The following ADAMTS17 variants were observed in gnomAD, a reference collection of about 807,000 sequenced individuals.
ADAMTS17 encodes A disintegrin and metalloproteinase with thrombospondin motifs 17.
Under a neutral mutation model 141.5 loss-of-function variants are expected in ADAMTS17, and 113 were observed. The ratio of observed to expected loss-of-function variants is 0.80; its 90% CI spans 0.69 to 0.93. The LOEUF is 0.93. Ranked by LOEUF, ADAMTS17 falls within the 40% of genes least tolerant of loss-of-function variation. ADAMTS17 has a pLI of 0.00. For missense variants in ADAMTS17, 1,659 were observed against 1,517.9 expected (o/e 1.09, Z -1.54); for synonymous variants, 768 against 630.6 (o/e 1.22, Z -3.27).
At chr15:100,306,214 TTTGACA>T (rs1360211830) in intron 3 of ADAMTS17, 1 of 311,800 alleles carries the variant, frequency 3.2e-6, no homozygotes, top group African/African-American at 2.2e-5. Context: ...CCCCAAATTC[TTTGACA>T]TTGAGCGGTG....
At position 99,974,078 on chromosome 15, in the gene ADAMTS17, T is replaced by G. The variant is rs1373261167; in HGVS notation, c.*324A>C. ...TGGAAATTCAAATGTCAAAAGCGAG[T>G]CAAGACAAGAACACTAAATGATGTC... On this transcript the variant is annotated 3_prime_UTR_variant, in exon 22 of 22. Transcript: ENST00000268070. The G allele has an allele frequency of 4.8e-6, 2 of 414,400 alleles. No individual in the cohort carries two copies. The highest frequency in any genetic ancestry group is 7.3e-5 in the Admixed American group (2 of 27,312). 25.7% of individuals were successfully genotyped at this position (414,400 alleles called of 1,614,324 possible).
At chr15:100,054,245 C>T (rs538400373) in intron 15 of ADAMTS17, among the ~76,000 whole-genome samples, 191 bp from the exon 16 acceptor site, 23 of 152,258 alleles carry the variant, frequency 1.5e-4, no homozygotes, top group African/African-American at 5.3e-4. Flanking sequence ...GCAGGGAGCA[C>T]GGAGATGCAG....
intron 7 of ADAMTS17, among the ~76,000 whole-genome samples, chr15:100,234,295 C>A (rs749767874): frequency 6.6e-6 from 1 of 152,174 alleles, no homozygotes; most frequent in Non-Finnish European, 1.5e-5. Context: ...CCGTTTTCCA[C>A]GAGGCAGACA....
chr15:99,975,981 G>C (rs1462148883), intron 21 of ADAMTS17, 64 bp downstream of exon 21: 10 of 1,492,688 alleles, frequency 6.7e-6, no homozygotes, highest in Non-Finnish European at 9.0e-6. Flanking sequence ...TCACCGTCAG[G>C]GAGGACTTAC....
At chr15:100,325,588 G>C (rs866866418) in intron 3 of ADAMTS17, among the ~76,000 whole-genome samples, 1 of 152,120 alleles carries the variant, frequency 6.6e-6, no homozygotes, top group Non-Finnish European at 1.5e-5. Flanking sequence ...TGCCATCCCC[G>C]TGGTGATGAG....
chr15:100,084,512 A>G (rs2034968354), intron 15 of ADAMTS17, among the ~76,000 whole-genome samples: 1 of 152,224 alleles, frequency 6.6e-6, no homozygotes, highest in Admixed American at 6.5e-5. Flanking sequence ...CCCAGCATGC[A>G]GCTTGAGATC....
At chr15:100,089,072 A>T (rs1305505063) in intron 15 of ADAMTS17, among the ~76,000 whole-genome samples, 1 of 151,846 alleles carries the variant, frequency 6.6e-6, no homozygotes, top group African/African-American at 2.4e-5. Context: ...ATGAGAGAAA[A>T]TTTTTGCAAT....
intron 7 of ADAMTS17, among the ~76,000 whole-genome samples, chr15:100,246,933 G>C (rs2043006731): frequency 1.3e-5 from 2 of 150,640 alleles, no homozygotes; most frequent in Admixed American, 1.3e-4. Context: ...GCCCAGGCTG[G>C]AGTGCAATGG....
chr15:100,179,280 T>C (rs1056354516), intron 8 of ADAMTS17, among the ~76,000 whole-genome samples: 8 of 152,302 alleles, frequency 5.3e-5, no homozygotes, highest in South Asian at 4.1e-4. Context: ...ATGAGTTCAA[T>C]TGTTTTAATT....
At chr15:99,984,269 C>T (rs1036017687) in intron 20 of ADAMTS17, among the ~76,000 whole-genome samples, 4 of 152,148 alleles carry the variant, frequency 2.6e-5, no homozygotes, top group South Asian at 2.1e-4. Flanking sequence ...GAGGAGACTG[C>T]GGGCAGCTCT....
At chr15:100,229,549 A>G (rs1436498434) in intron 7 of ADAMTS17, among the ~76,000 whole-genome samples, 1 of 152,134 alleles carries the variant, frequency 6.6e-6, no homozygotes, top group Non-Finnish European at 1.5e-5. Context: ...ACTGAGAACC[A>G]CAGCAAGGCT....
chr15:100,110,095 AG>A (rs1392202631), intron 13 of ADAMTS17, among the ~76,000 whole-genome samples: 1 of 151,334 alleles, frequency 6.6e-6, no homozygotes, highest in Non-Finnish European at 1.5e-5. Flanking sequence ...GAACTCTTAG[AG>A]GGCAGGGGAC....
chr15:100,252,281 G>GCATT lies in ADAMTS17; in HGVS notation c.1075+1851_1075+1854dup, dbSNP rs550256378. Among the ~76,000 whole-genome samples the GCATT allele has an allele frequency of 2.0e-3, 312 of 152,254 alleles. 5 individuals are homozygous for GCATT. In the South Asian group the frequency reaches 0.043, roughly 21 times the overall value. On this transcript the variant is annotated intron_variant, in intron 7 of 21. Coordinates refer to ENST00000268070, the MANE Select transcript of ADAMTS17 (RefSeq NM_139057.4). ...CACTGGCATTGGAGTCCCTTCACCTGCATTCATTCATTCATTCATTCATTC... is the reference window on the plus strand; with the variant it reads ...CACTGGCATTGGAGTCCCTTCACCTGCATTCATTCATTCATTCATTCATTCATTC...
At chr15:100,075,946 A>G (rs1343186585) in intron 15 of ADAMTS17, among the ~76,000 whole-genome samples, 1 of 152,128 alleles carries the variant, frequency 6.6e-6, no homozygotes, top group African/African-American at 2.4e-5. Flanking sequence ...GTATGTCCTC[A>G]ATTCTGCTAA....
intron 18 of ADAMTS17, among the ~76,000 whole-genome samples, chr15:100,032,453 C>T (rs1195057085): frequency 6.6e-6 from 1 of 152,222 alleles, no homozygotes; most frequent in Non-Finnish European, 1.5e-5. Flanking sequence ...CAACTAACTA[C>T]AGCATTCTGA....
At chr15:100,124,857 T>G (rs773287022) in intron 12 of ADAMTS17, among the ~76,000 whole-genome samples, 1 of 152,138 alleles carries the variant, frequency 6.6e-6, no homozygotes, top group African/African-American at 2.4e-5. Context: ...AGTGGAGTCC[T>G]CAGGGCCTTG....
chr15:100,244,857 T>G (rs2042939317), intron 7 of ADAMTS17, among the ~76,000 whole-genome samples: 2 of 152,122 alleles, frequency 1.3e-5, no homozygotes, highest in African/African-American at 4.8e-5. Flanking sequence ...GTCTAAGAGC[T>G]CCTCAGGACT....
intron 15 of ADAMTS17, among the ~76,000 whole-genome samples, chr15:100,086,495 C>A (rs2035110113): frequency 6.6e-6 from 1 of 152,094 alleles, no homozygotes. Context: ...ACCAAGCAGA[C>A]CTAATAGACA....
chr15:100,198,955 C>G (rs2041220711), intron 8 of ADAMTS17, among the ~76,000 whole-genome samples: 1 of 152,300 alleles, frequency 6.6e-6, no homozygotes, highest in South Asian at 2.1e-4. Context: ...GGAAAGTCAA[C>G]AGTATAAAGA....
Sources: gnomAD v4.1 joint callset for allele counts (sites outside exome capture counted in the v4.1 genomes callset) on GRCh38, gnomAD v4.1.1 for gene constraint, MANE v1.5 for transcripts, NCBI Gene and HGNC (gene_info 2026-07-23, HGNC 2026-07-21) for gene names.